FRAT1: variants seen among roughly 807,000 people sequenced by gnomAD.
FRAT1 encodes the protein FRAT regulator of Wnt signaling pathway 1, also known as proto-oncogene FRAT1.
A neutral mutation model predicts 16.9 loss-of-function variants in FRAT1; 9 were observed. That is an observed-to-expected ratio of 0.53 (90% CI 0.32 to 0.93). FRAT1 has a LOEUF of 0.93. Ranked by LOEUF, FRAT1 falls within the 40% of genes least tolerant of loss-of-function variation. FRAT1 has a pLI of 0.04. For missense variants in FRAT1, 354 were observed against 402.8 expected, an observed-to-expected ratio of 0.88 and a Z score of 1.04; for synonymous variants, 191 against 202.1, an observed-to-expected ratio of 0.95 and a Z score of 0.46.
Position 97,319,502 on chromosome 10 carries a change from G to C in FRAT1, c.49G>C (p.Gly17Arg). ...EEEEAGEEAE[G>R]EEEEEDSFLL... ...AGAGGAAGCCGGCGAGGAGGCGGAG[G>C]GGGAGGAAGAGGAGGAGGACAGCTT... Residue 17 changes from glycine to arginine, a missense_variant, in exon 1 of 1, where the codon GGG becomes CGG. By Grantham distance (125) the Gly-to-Arg change is moderately radical (BLOSUM62 -2). Transcript: ENST00000371021. The C allele has an allele frequency of 6.8e-7, 1 of 1,476,754 alleles. No individual in the cohort carries two copies. The highest frequency in any genetic ancestry group is 9.0e-7 in the Non-Finnish European group (1 of 1,117,038). The allele number at this position is 1,476,754 out of a possible 1,614,324, so 91.5% of individuals were successfully genotyped here.
rs1200459994 is a variant in FRAT1 at position 97,321,079 on chromosome 10, T to TG, written c.*789dup. 2.4e-5 allele frequency: 4 copies of TG among 167,288 alleles called. No homozygotes were observed. The highest frequency in any genetic ancestry group is 9.6e-5 in the African/African-American group (4 of 41,470). The allele number at this position is 167,288 out of a possible 1,614,324, so 10.4% of individuals were successfully genotyped here. ...TCCTCGGTTCAAGGTCACTGTTTCC[T>TG]GGGCACGCACTGGGTTGCGGGACAG... On this transcript the variant is annotated 3_prime_UTR_variant, in exon 1 of 1. Coordinates refer to ENST00000371021, the MANE Select transcript of FRAT1 (RefSeq NM_005479.4).
In FRAT1 at chr10:97,319,297, C is replaced by T; in HGVS notation, c.-157C>T. ...GGCTCCCGCGGCTGCAGGCGCGCGG[C>T]TAGAGTGCCTGGCGGGCTCCGGCTT... On this transcript the variant is annotated 5_prime_UTR_variant, in exon 1 of 1. Transcript: ENST00000371021. 1 of 1,008,462 alleles carries T rather than the reference C, an allele frequency of 9.9e-7. No homozygotes were observed. The highest frequency in any genetic ancestry group is 1.3e-6 in the Non-Finnish European group (1 of 785,618). 62.5% of individuals were successfully genotyped at this position (1,008,462 alleles called of 1,614,324 possible).
Position 97,319,789 on chromosome 10 carries a change from C to T in FRAT1, c.336C>T (p.Arg112=), listed in dbSNP as rs1246377344. 1 of 1,328,344 alleles carries T rather than the reference C, an allele frequency of 7.5e-7. No homozygotes were observed. Among genetic ancestry groups the T allele is most frequent in the African/African-American group, 1.6e-5 (1 of 64,488 alleles). The allele number at this position is 1,328,344 out of a possible 1,614,324, so 82.3% of individuals were successfully genotyped here. ...GCCCGGCGCCCCCTGGGGTCCTGCG[C>T]TGCGCCCTGGGGGACCGCGGCCGCG... ...TVGPAPPGVL[R]CALGDRGRVR... The change falls in exon 1 of 1, where the codon CGC becomes CGT. Residue 112 remains arginine, a synonymous_variant. Coordinates refer to ENST00000371021, the MANE Select transcript of FRAT1 (RefSeq NM_005479.4).
In FRAT1 at chr10:97,319,272, G is replaced by A; in HGVS notation, c.-182G>A. The A allele has an allele frequency of 2.8e-6, 2 of 722,792 alleles. No individual in the cohort carries two copies. Among genetic ancestry groups the A allele is most frequent in the South Asian group, 6.1e-5 (1 of 16,356 alleles). The allele number at this position is 722,792 out of a possible 1,614,324, so 44.8% of individuals were successfully genotyped here. ...AATCAACCCGAGCCGGCAGGATTCC[G>A]GCTCCCGCGGCTGCAGGCGCGCGGC... is the stretch of plus-strand genomic sequence containing the variant. On this transcript the variant is annotated 5_prime_UTR_variant, in exon 1 of 1. Transcript: ENST00000371021.
rs1210202979 is a variant in FRAT1 at position 97,320,191 on chromosome 10, A to G, written c.738A>G (p.Glu246=). The G allele has an allele frequency of 4.3e-6, 7 of 1,610,610 alleles. No individual in the cohort carries two copies. The highest frequency in any genetic ancestry group is 5.9e-6 in the Non-Finnish European group (7 of 1,178,980). Residue 246 remains glutamate, a synonymous_variant, in exon 1 of 1, where the codon GAA becomes GAG. Transcript: ENST00000371021. ...LLGPLSAPVH[E]PPSPRSPRAA... The stretch of plus-strand genomic sequence containing the variant: ...GACCTCTGTCGGCCCCGGTGCATGA[A>G]CCCCCTTCGCCTCGCAGCCCTCGCG...
In FRAT1 at chr10:97,319,827, C is replaced by G; in HGVS notation, c.374C>G (p.Ala125Gly). Residue 125 changes from alanine (A) to glycine (G), a missense_variant, in exon 1 of 1, where the codon GCT (alanine) becomes GGT (glycine). By Grantham distance (60) the Ala-to-Gly change is moderately conservative. Transcript: ENST00000371021. ...LGDRGRVRGR[A>G]APYCVAELAT... ...GACCGCGGCCGCGTGCGGGGCCGCGCTGCGCCCTACTGCGTGGCCGAGCTC... is the reference window on the plus strand; with the variant it reads ...GACCGCGGCCGCGTGCGGGGCCGCGGTGCGCCCTACTGCGTGGCCGAGCTC... 1.4e-6 allele frequency: 2 copies of G among 1,416,548 alleles called. No homozygotes were observed. The highest frequency in any genetic ancestry group is 1.8e-6 in the Non-Finnish European group (2 of 1,097,432). 87.7% of individuals were successfully genotyped at this position (1,416,548 alleles called of 1,614,324 possible).
At position 97,320,300 on chromosome 10, in the gene FRAT1, C is replaced by A; in HGVS notation, c.*7C>A. The A allele has an allele frequency of 6.4e-7, 1 of 1,556,682 alleles. No homozygotes were observed. The highest frequency in any genetic ancestry group is 8.7e-7 in the Non-Finnish European group (1 of 1,150,748). On this transcript the variant is annotated 3_prime_UTR_variant, in exon 1 of 1. Transcript: ENST00000371021. The stretch of plus-strand genomic sequence containing the variant: ...TCTTGTGCCTGGCAGCTAACACGCC[C>A]GGGGTGGCCACAGCGCCAGCCTCAG...
Position 97,321,843 on chromosome 10 carries a change from CT to C in FRAT1, c.*1552del, listed in dbSNP as rs1408004765. ...GTTTTTTGTTTGGTTTTATTTTATA[CT>C]TGCCATCAGTGAAAAAGATGTACAG... is the stretch of plus-strand genomic sequence containing the variant. On this transcript the variant is annotated 3_prime_UTR_variant, in exon 1 of 1. Transcript: ENST00000371021. The C allele has an allele frequency of 1.2e-5, 2 of 167,054 alleles. No homozygotes were observed. Among genetic ancestry groups the C allele is most frequent in the Non-Finnish European group, 2.9e-5 (2 of 68,128 alleles). The allele number at this position is 167,054 out of a possible 1,614,324, so 10.3% of individuals were successfully genotyped here. A position where few individuals can be genotyped will look rare whatever the true frequency, so the allele number is the denominator to read the frequency against.
Position 97,320,379 on chromosome 10 carries a change from G to C in FRAT1, c.*86G>C. 1 of 1,250,648 alleles carries C rather than the reference G, an allele frequency of 8.0e-7. No homozygotes were observed. The highest frequency in any genetic ancestry group is 1.1e-6 in the Non-Finnish European group (1 of 927,788). 77.5% of individuals were successfully genotyped at this position (1,250,648 alleles called of 1,614,324 possible). ...CTGCAGTTCTACTCAGGCTGGTGGAGAACTCTGGCTTTTGGAAGCGAGAGT... is the reference window on the plus strand; with the variant it reads ...CTGCAGTTCTACTCAGGCTGGTGGACAACTCTGGCTTTTGGAAGCGAGAGT... On this transcript the variant is annotated 3_prime_UTR_variant, in exon 1 of 1. Coordinates refer to ENST00000371021, the MANE Select transcript of FRAT1 (RefSeq NM_005479.4).
At position 97,320,235 on chromosome 10, in the gene FRAT1, G is replaced by T; in HGVS notation, c.782G>T (p.Gly261Val). Reference protein sequence around the residue: ...RSPRAACSDPGASGRAQLRTG... With the variant: ...RSPRAACSDPVASGRAQLRTG... The stretch of plus-strand genomic sequence containing the variant: ...CCTCGCGCGGCCTGCAGTGACCCTG[G>T]CGCCTCCGGGAGGGCGCAGCTCAGA... The change falls in exon 1 of 1, where the codon GGC becomes GTC. Residue 261 changes from glycine to valine, a missense_variant. By Grantham distance (109) the Gly-to-Val change is moderately radical. Transcript: ENST00000371021. 1 of 1,604,922 alleles carries T rather than the reference G, an allele frequency of 6.2e-7. No individual in the cohort carries two copies. Among genetic ancestry groups the T allele is most frequent in the Non-Finnish European group, 8.5e-7 (1 of 1,176,438 alleles).
rs775970261 is a variant in FRAT1 at position 97,319,517 on chromosome 10, G to A, written c.64G>A (p.Glu22Lys). 15 of 1,478,670 alleles carry A rather than the reference G, an allele frequency of 1.0e-5. No individual in the cohort carries two copies. The highest frequency in any genetic ancestry group is 1.3e-5 in the Non-Finnish European group (15 of 1,118,082). The allele number at this position is 1,478,670 out of a possible 1,614,324, so 91.6% of individuals were successfully genotyped here. A position where few individuals can be genotyped will look rare whatever the true frequency, so the allele number is the denominator to read the frequency against. ...GEEAEGEEEE[E>K]DSFLLLQQSV... is the part of the protein sequence containing the mutation. ...GGAGGCGGAGGGGGAGGAAGAGGAG[G>A]AGGACAGCTTCCTCCTACTGCAGCA... The change falls in exon 1 of 1, where the codon GAG becomes AAG. Residue 22 changes from glutamate to lysine, a missense_variant. This residue lies in a region of FRAT1 where 46 missense variants were observed against 37.7 expected (regional missense o/e 1.22). Coordinates refer to ENST00000371021, the MANE Select transcript of FRAT1 (RefSeq NM_005479.4).
Position 97,320,176 on chromosome 10 carries a change from G to C in FRAT1, c.723G>C (p.Ser241=). ...AACGCCCGCTCCTGGGACCTCTGTC[G>C]GCCCCGGTGCATGAACCCCCTTCGC... ...LPQRPLLGPL[S]APVHEPPSPR... is the part of the protein sequence containing the mutation. The change falls in exon 1 of 1, where the codon TCG becomes TCC. Residue 241 remains serine, a synonymous_variant. Coordinates refer to ENST00000371021, the MANE Select transcript of FRAT1 (RefSeq NM_005479.4). 3 of 1,612,458 alleles carry C rather than the reference G, an allele frequency of 1.9e-6. No homozygotes were observed. Among genetic ancestry groups the C allele is most frequent in the Non-Finnish European group, 2.5e-6 (3 of 1,179,506 alleles).
chr10:97,320,294 C>T lies in FRAT1; in HGVS notation c.*1C>T, dbSNP rs1163160259. On this transcript the variant is annotated 3_prime_UTR_variant, in exon 1 of 1. Transcript: ENST00000371021. ...CGGCGTTCTTGTGCCTGGCAGCTAACACGCCCGGGGTGGCCACAGCGCCAG... is the reference window on the plus strand; with the variant it reads ...CGGCGTTCTTGTGCCTGGCAGCTAATACGCCCGGGGTGGCCACAGCGCCAG... 4 of 1,567,194 alleles carry T rather than the reference C, an allele frequency of 2.6e-6. No individual in the cohort carries two copies. Among genetic ancestry groups the T allele is most frequent in the East Asian group, 2.3e-5 (1 of 43,212 alleles).
chr10:97,319,974 G>C lies in FRAT1; in HGVS notation c.521G>C (p.Arg174Pro). ...GGTCCGTGCCGGCGAGGATGGCTCC[G>C]GGGCGCCGCCGCCTCCCGCCGCCTG... ...LSGPCRRGWLRGAAASRRLQQ... is the reference protein window; with the variant it reads ...LSGPCRRGWLPGAAASRRLQQ... The change falls in exon 1 of 1, where the codon CGG becomes CCG. Residue 174 changes from arginine (R) to proline (P), a missense_variant. This residue lies in a region of FRAT1 where 286 missense variants were observed against 311.0 expected (regional missense o/e 0.92). Coordinates refer to ENST00000371021, the MANE Select transcript of FRAT1 (RefSeq NM_005479.4). The C allele has an allele frequency of 1.3e-6, 2 of 1,543,528 alleles. No individual in the cohort carries two copies. Among genetic ancestry groups the C allele is most frequent in the Non-Finnish European group, 1.7e-6 (2 of 1,146,950 alleles).
At position 97,319,801 on chromosome 10, in the gene FRAT1, G is replaced by A; in HGVS notation, c.348G>A (p.Gly116=). 1 of 1,343,238 alleles carries A rather than the reference G, an allele frequency of 7.4e-7. No homozygotes were observed. The allele number at this position is 1,343,238 out of a possible 1,614,324, so 83.2% of individuals were successfully genotyped here. ...CTGGGGTCCTGCGCTGCGCCCTGGG[G>A]GACCGCGGCCGCGTGCGGGGCCGCG... ...APPGVLRCAL[G]DRGRVRGRAA... is the part of the protein sequence containing the mutation. Residue 116 remains glycine (G), a synonymous_variant, in exon 1 of 1, where the codon GGG becomes GGA. Transcript: ENST00000371021.
chr10:97,320,177 G>A lies in FRAT1; in HGVS notation c.724G>A (p.Ala242Thr). 1.9e-6 allele frequency: 3 copies of A among 1,612,428 alleles called. No individual in the cohort carries two copies. The highest frequency in any genetic ancestry group is 2.2e-5 in the East Asian group (1 of 44,756). The stretch of plus-strand genomic sequence containing the variant: ...ACGCCCGCTCCTGGGACCTCTGTCG[G>A]CCCCGGTGCATGAACCCCCTTCGCC... The part of the protein sequence containing the change: ...PQRPLLGPLS[A>T]PVHEPPSPRS... Residue 242 changes from alanine (A) to threonine (T), a missense_variant, in exon 1 of 1, where the codon GCC (alanine) becomes ACC (threonine). This residue lies in a region of FRAT1 where 286 missense variants were observed against 311.0 expected (regional missense o/e 0.92). Coordinates refer to ENST00000371021, the MANE Select transcript of FRAT1 (RefSeq NM_005479.4).
Position 97,320,681 on chromosome 10 carries a change from G to A in FRAT1, c.*388G>A, listed in dbSNP as rs1843453645. The A allele has an allele frequency of 4.4e-6, 1 of 228,278 alleles. No individual in the cohort carries two copies. The highest frequency in any genetic ancestry group is 1.3e-4 in the South Asian group (1 of 7,970). The allele number at this position is 228,278 out of a possible 1,614,324, so 14.1% of individuals were successfully genotyped here. The stretch of plus-strand genomic sequence containing the variant: ...ATCGCGGTGCGCCGGAACCACGGAG[G>A]ATGATGCCAGTTACTTGCTTTACCT... On this transcript the variant is annotated 3_prime_UTR_variant, in exon 1 of 1. Coordinates refer to ENST00000371021, the MANE Select transcript of FRAT1 (RefSeq NM_005479.4).
rs1243001435 is a variant in FRAT1 at position 97,321,487 on chromosome 10, G to A, written c.*1194G>A. 6.0e-6 allele frequency: 1 copy of A among 167,228 alleles called. No homozygotes were observed. Among genetic ancestry groups the A allele is most frequent in the Non-Finnish European group, 1.5e-5 (1 of 68,232 alleles). 10.4% of individuals were successfully genotyped at this position (167,228 alleles called of 1,614,324 possible). ...AACAGCTGCAATTCCCTGGATAGAC[G>A]AGTTGATTTCCTCCCTCTGCCCCTC... On this transcript the variant is annotated 3_prime_UTR_variant, in exon 1 of 1. Coordinates refer to ENST00000371021, the MANE Select transcript of FRAT1 (RefSeq NM_005479.4).
chr10:97,319,649 C>T lies in FRAT1; in HGVS notation c.196C>T (p.Pro66Ser), dbSNP rs890419595. The T allele has an allele frequency of 8.2e-6, 10 of 1,216,850 alleles. No homozygotes were observed. In the African/African-American group the frequency reaches 1.1e-4, roughly 13 times the overall value. 75.4% of individuals were successfully genotyped at this position (1,216,850 alleles called of 1,614,324 possible). ...AQHSPASPCG[P>S]PGAPLRAPGP... ...GCACAGCCCGGCCTCGCCGTGCGGG[C>T]CCCCGGGGGCGCCGCTGCGGGCCCC... Residue 66 changes from proline (P) to serine (S), a missense_variant, in exon 1 of 1, where the codon CCC becomes TCC. Transcript: ENST00000371021.
Sources: gnomAD v4.1 joint callset for allele counts on GRCh38, gnomAD v4.1.1 for gene constraint, gnomAD v4.1.1 regional missense constraint, MANE v1.5 for transcripts, NCBI Gene and HGNC (gene_info 2026-07-23, HGNC 2026-07-21) for gene names.